Variants in HEATR5B observed in about 807,000 individuals in gnomAD.
HEATR5B encodes the protein HEAT repeat containing 5B.
Under a neutral mutation model 224.1 loss-of-function variants are expected in HEATR5B, and 156 were observed. The ratio of observed to expected loss-of-function variants is 0.70; its 90% confidence interval spans 0.61 to 0.80. The LOEUF (loss-of-function observed/expected upper bound fraction) is 0.80, where lower values mean the gene tolerates loss of function less well. HEATR5B is among the 30% of genes least tolerant of loss of function. The pLI is 0.00. For missense variants in HEATR5B, 2,323 were observed against 2,535.5 expected, an observed-to-expected ratio of 0.92 and a Z score of 1.80; for synonymous variants, 1,027 against 893.0, an observed-to-expected ratio of 1.15 and a Z score of -2.68.
In HEATR5B at chr2:37,007,337, CTTTTTTTTTTTTT is replaced by C. The variant is rs3080796; in HGVS notation, c.4523-46_4523-34del. On this transcript the variant is annotated intron_variant, in intron 28 of 35. Coordinates refer to ENST00000233099, the MANE Select transcript of HEATR5B (RefSeq NM_019024.3). ...GCAATCAAATCAATTAAAAACATTACTTTTTTTTTTTTTTTTTTTTTTTTGAGACCAAGTCTCG... is the reference window on the plus strand; with the variant it reads ...GCAATCAAATCAATTAAAAACATTACTTTTTTTTTTTGAGACCAAGTCTCG... 1.3e-5 allele frequency: 15 copies of C among 1,176,138 alleles called. 1 individual carries two copies. The Admixed American group carries it at 2.6e-4, about 21-fold the overall frequency. 72.9% of individuals were successfully genotyped at this position (1,176,138 alleles called of 1,614,324 possible).
intron 33 of HEATR5B, among the ~76,000 whole-genome samples, chr2:36,996,474 T>C (rs1451242428): frequency 6.6e-6 from 1 of 151,314 alleles, no homozygotes; most frequent in African/African-American, 2.4e-5. Context: ...TTGAGGGCAA[T>C]GGTGCGATCT....
chr2:37,054,888 T>A (rs566188819), intron 16 of HEATR5B, among the ~76,000 whole-genome samples: 36 of 152,240 alleles, frequency 2.4e-4, no homozygotes, highest in African/African-American at 5.8e-4. Flanking sequence ...CTAAGACAAT[T>A]ATGACCTCAA....
rs1479096184 is a variant in HEATR5B at position 37,029,019 on chromosome 2, C to T, written c.3362-99G>A. The stretch of plus-strand genomic sequence containing the variant: ...CCAAGTCTTACATATAAATTCACAA[C>T]AGCCACAAAACCAGCTAGCTATATA... On this transcript the variant is annotated intron_variant, in intron 22 of 35. Transcript: ENST00000233099. 10 of 1,203,148 alleles carry T rather than the reference C, an allele frequency of 8.3e-6. No individual in the cohort carries two copies. The East Asian group carries it at 9.7e-5, about 12-fold the overall frequency. The allele number at this position is 1,203,148 out of a possible 1,614,324, so 74.5% of individuals were successfully genotyped here.
In HEATR5B at chr2:37,056,833, G is replaced by A. The variant is rs563374810; in HGVS notation, c.2224-218C>T. On this transcript the variant is annotated intron_variant, in intron 15 of 35. Coordinates refer to ENST00000233099, the MANE Select transcript of HEATR5B (RefSeq NM_019024.3). The stretch of plus-strand genomic sequence containing the variant: ...ATTTTAAGAAAAGCTTTATTCATTC[G>A]AAAACATATTTACACCACCCACCTT... Among the ~76,000 whole-genome samples the A allele has an allele frequency of 9.9e-5, 15 of 152,236 alleles. No individual in the cohort carries two copies. The East Asian group carries it at 2.1e-3, about 22-fold the overall frequency.
intron 12 of HEATR5B, among the ~76,000 whole-genome samples, chr2:37,059,876 C>A (rs187273720): frequency 1.1e-3 from 162 of 152,162 alleles, no homozygotes; most frequent in Admixed American, 2.0e-3. Context: ...AGCAATAGAG[C>A]CTAGACTAAA....
chr2:37,059,354 A>G (rs906212068), intron 12 of HEATR5B, among the ~76,000 whole-genome samples: 16 of 145,744 alleles, frequency 1.1e-4, no homozygotes, highest in Non-Finnish European at 1.9e-4. Flanking sequence ...TTTACATGAA[A>G]TTTTTACATA....
intron 14 of HEATR5B, among the ~76,000 whole-genome samples, chr2:37,057,731 G>T (rs994893229): frequency 2.0e-5 from 3 of 151,976 alleles, no homozygotes; most frequent in African/African-American, 4.8e-5. Flanking sequence ...GGAAAGAGAG[G>T]CGGGTGCCAT....
chr2:37,055,728 C>T (rs764017916), intron 16 of HEATR5B, among the ~76,000 whole-genome samples: 4 of 152,110 alleles, frequency 2.6e-5, no homozygotes, highest in South Asian at 2.1e-4. Flanking sequence ...CCTCCCAAAG[C>T]GCTGGGATTG....
intron 18 of HEATR5B, among the ~76,000 whole-genome samples, chr2:37,042,456 A>G (rs1337274052): frequency 2.6e-5 from 4 of 152,264 alleles, no homozygotes; most frequent in Admixed American, 1.3e-4. Flanking sequence ...AAATTCTGCT[A>G]AAGATGAATT....
rs1007606987 is a variant in HEATR5B at position 36,980,929 on chromosome 2, C to A, written c.*561G>T. 12 of 151,908 alleles carry A rather than the reference C, an allele frequency of 7.9e-5. No individual in the cohort carries two copies. The highest frequency in any genetic ancestry group is 2.9e-4 in the African/African-American group (12 of 41,314). The allele number at this position is 151,908 out of a possible 1,614,324, so 9.4% of individuals were successfully genotyped here. On this transcript the variant is annotated 3_prime_UTR_variant, in exon 36 of 36. Transcript: ENST00000233099. ...AAATGAGAATTTTAATTGTTACCAA[C>A]TAAAATATACATAGCATAATTTAGT...
chr2:37,016,969 A>G (rs910692101), intron 26 of HEATR5B, among the ~76,000 whole-genome samples: 1 of 152,172 alleles, frequency 6.6e-6, no homozygotes, highest in Non-Finnish European at 1.5e-5. Flanking sequence ...GAAAAGAAAG[A>G]GCTGTTACTC....
At chr2:37,048,937 A>G (rs969590490) in intron 18 of HEATR5B, among the ~76,000 whole-genome samples, 7 of 152,230 alleles carry the variant, frequency 4.6e-5, no homozygotes, top group Non-Finnish European at 1.0e-4. Context: ...AATGACCATG[A>G]CATAGTTTGC....
chr2:37,079,935 G>A (rs937901801), intron 2 of HEATR5B, among the ~76,000 whole-genome samples: 3 of 152,174 alleles, frequency 2.0e-5, no homozygotes, highest in Non-Finnish European at 2.9e-5. Context: ...AGTGAGGAGG[G>A]ACAGAGTTTA....
At chr2:37,005,992 C>T (rs1157349314) in intron 29 of HEATR5B, among the ~76,000 whole-genome samples, 1 of 152,156 alleles carries the variant, frequency 6.6e-6, no homozygotes, top group Admixed American at 6.5e-5. Context: ...AAGGAATTCC[C>T]ATGCCATCAG....
At position 37,049,565 on chromosome 2, in the gene HEATR5B, C is replaced by T. The variant is rs919055889; in HGVS notation, c.2696+88G>A. 7 of 1,160,492 alleles carry T rather than the reference C, an allele frequency of 6.0e-6. No homozygotes were observed. The Admixed American group carries it at 6.5e-5, about 11-fold the overall frequency. 71.9% of individuals were successfully genotyped at this position (1,160,492 alleles called of 1,614,324 possible). On this transcript the variant is annotated intron_variant, in intron 18 of 35. Transcript: ENST00000233099. ...CAAAATATTATCACATGCTGTATAC[C>T]ATGTGGAAAACATAAACTCCAGTTG... is the stretch of plus-strand genomic sequence containing the variant.
chr2:37,072,017 A>G (rs1422179830), intron 6 of HEATR5B, 93 bp downstream of exon 6: 1 of 1,011,084 alleles, frequency 9.9e-7, no homozygotes, highest in Non-Finnish European at 1.4e-6. Context: ...GTAGACAAAG[A>G]TACCTAAAAA....
chr2:37,055,608 CTACATAT>C (rs1282934235), intron 16 of HEATR5B, among the ~76,000 whole-genome samples: 1 of 152,020 alleles, frequency 6.6e-6, no homozygotes, highest in African/African-American at 2.4e-5. Context: ...ATCAAGCAAC[CTACATAT>C]TAAAGACATT....
At chr2:37,051,888 T>G (rs764375318) in intron 17 of HEATR5B, among the ~76,000 whole-genome samples, 17 of 152,086 alleles carry the variant, frequency 1.1e-4, no homozygotes, top group Admixed American at 4.6e-4. Context: ...TACAGGCACC[T>G]GACACCACGC....
chr2:37,083,702 A>G (rs1454069865), intron 1 of HEATR5B, among the ~76,000 whole-genome samples: 1 of 152,246 alleles, frequency 6.6e-6, no homozygotes, highest in Non-Finnish European at 1.5e-5. Context: ...TTATTCCAGA[A>G]GAAATATGTC....
Sources: gnomAD v4.1 joint callset for allele counts (sites outside exome capture counted in the v4.1 genomes callset) on GRCh38, gnomAD v4.1.1 for gene constraint, MANE v1.5 for transcripts, NCBI Gene and HGNC (gene_info 2026-07-23, HGNC 2026-07-21) for gene names.